Variants in RAB8B observed in about 807,000 individuals in gnomAD.
RAB8B encodes the protein RAB8B, member RAS oncogene family.
A neutral mutation model predicts 32.0 loss-of-function variants in RAB8B; 11 were observed. The ratio of observed to expected loss-of-function variants is 0.34; its 90% confidence interval spans 0.22 to 0.57. The LOEUF is 0.57. RAB8B is among the 20% of genes least tolerant of loss of function. The pLI, the probability that RAB8B is intolerant of heterozygous loss-of-function variation, is 0.86. For synonymous variants in RAB8B, 103 were observed against 89.6 expected (o/e 1.15, Z -0.85); for missense variants, 190 against 258.5 (o/e 0.73, Z 1.82).
chr15:63,203,101 T>A (rs2037667053), intron 1 of RAB8B, among the ~76,000 whole-genome samples: 1 of 152,244 alleles, frequency 6.6e-6, no homozygotes, highest in African/African-American at 2.4e-5. Context: ...AGTGTGGGAC[T>A]ATGGAAGACA....
chr15:63,208,753 C>T (rs2037720920), intron 1 of RAB8B, among the ~76,000 whole-genome samples: 1 of 152,080 alleles, frequency 6.6e-6, no homozygotes. Flanking sequence ...TCTTCACCCC[C>T]AACCCAACCA....
chr15:63,219,025 T>TTA (rs1477993499), intron 1 of RAB8B, among the ~76,000 whole-genome samples: 201 of 113,120 alleles, frequency 1.8e-3, no homozygotes, highest in African/African-American at 5.2e-3. Flanking sequence ...TTTTTTTTTT[T>TTA]TTTTTTTTAG....
intron 3 of RAB8B, chr15:63,251,437 C>G (rs1227188099): frequency 2.6e-6 from 1 of 389,444 alleles, no homozygotes; most frequent in Non-Finnish European, 5.1e-6. Context: ...TTTGCATGCT[C>G]ATTTTCACTG....
rs765527116 is a variant in RAB8B, at chr15:63,256,563, A to G, written c.383A>G (p.Lys128Arg). 8.1e-6 allele frequency: 13 copies of G among 1,604,814 alleles called. No individual in the cohort carries two copies. Among genetic ancestry groups the G allele is most frequent in the African/African-American group, 1.3e-5 (1 of 74,468 alleles). ...ILGNKCDMND[K>R]RQVSKERGEK... is the part of the protein sequence containing the mutation. ...GGTAACAAATGTGATATGAATGACA[A>G]AAGACAAGTGTCAAAAGAAAGAGGG... The change falls in exon 5 of 8, where the codon AAA (lysine) becomes AGA (arginine). Residue 128 changes from lysine (K) to arginine (R), a missense_variant. Physicochemically the swap from Lys to Arg is conservative, Grantham distance 26. Coordinates refer to ENST00000321437, the MANE Select transcript of RAB8B (RefSeq NM_016530.3).
chr15:63,235,361 T>C (rs2037969493), intron 1 of RAB8B, among the ~76,000 whole-genome samples: 1 of 152,158 alleles, frequency 6.6e-6, no homozygotes, highest in Non-Finnish European at 1.5e-5. Flanking sequence ...TCTCTAAAAT[T>C]TGGTTTGGTT....
At chr15:63,241,953 C>T (rs192629365) in intron 1 of RAB8B, among the ~76,000 whole-genome samples, 183 of 152,026 alleles carry the variant, frequency 1.2e-3, no homozygotes, top group African/African-American at 4.0e-3. Context: ...GTCACCTTTA[C>T]AGACCCTGAA....
chr15:63,251,820 G>A (rs1716256065), intron 3 of RAB8B, among the ~76,000 whole-genome samples: 1 of 152,180 alleles, frequency 6.6e-6, no homozygotes, highest in South Asian at 2.1e-4. Context: ...TGCTGTGCCT[G>A]ACTCTTGGAT....
chr15:63,223,759 T>G, intron 1 of RAB8B: 1 of 267,720 alleles, frequency 3.7e-6, no homozygotes, highest in Non-Finnish European at 7.8e-6. Flanking sequence ...ATGACTGTAT[T>G]TGATTTCTTT....
chr15:63,244,759 T>A lies in RAB8B; in HGVS notation c.128T>A (p.Ile43Asn), dbSNP rs2038058416. Residue 43 changes from isoleucine (I) to asparagine (N), a missense_variant, in exon 2 of 8, where the codon ATT becomes AAT. By Grantham distance (149) the Ile-to-Asn change is moderately radical. Coordinates refer to ENST00000321437, the MANE Select transcript of RAB8B (RefSeq NM_016530.3). ...TCTTTCTTTGTTTTTCTGGCAGGAA[T>A]TGATTTTAAAATTAGAACGATAGAA... ...FNTTFISTIG[I>N]DFKIRTIELD... 6.4e-7 allele frequency: 1 copy of A among 1,570,222 alleles called. No homozygotes were observed. Among genetic ancestry groups the A allele is most frequent in the Non-Finnish European group, 8.8e-7 (1 of 1,142,584 alleles).
At position 63,257,067 on chromosome 15, in the gene RAB8B, C is replaced by G. The variant is rs1329709877; in HGVS notation, c.414+473C>G. Reference sequence around the variant, plus strand: ...GATAAATTCCTTGTAACTGATCAAGCTATGGATGTCATTTATATGTTGTTT... The same window carrying G: ...GATAAATTCCTTGTAACTGATCAAGGTATGGATGTCATTTATATGTTGTTT... On this transcript the variant is annotated intron_variant, in intron 5 of 7. Coordinates refer to ENST00000321437, the MANE Select transcript of RAB8B (RefSeq NM_016530.3). 3.3e-5 allele frequency among the ~76,000 whole-genome samples: 5 copies of G among 152,204 alleles called. No individual in the cohort carries two copies. The East Asian group carries it at 7.7e-4, about 23-fold the overall frequency.
chr15:63,200,318 A>G (rs1254447390), intron 1 of RAB8B, among the ~76,000 whole-genome samples: 1 of 152,240 alleles, frequency 6.6e-6, no homozygotes, highest in African/African-American at 2.4e-5. Flanking sequence ...AATTGGCTAA[A>G]ATCTTTGTTG....
At chr15:63,249,297 A>C (rs1460665222) in intron 2 of RAB8B, among the ~76,000 whole-genome samples, 1 of 152,250 alleles carries the variant, frequency 6.6e-6, no homozygotes, top group African/African-American at 2.4e-5. Flanking sequence ...GATTATAACT[A>C]TCTCGGGGAG....
chr15:63,229,919 T>G (rs138379335), intron 1 of RAB8B, among the ~76,000 whole-genome samples: 298 of 152,102 alleles, frequency 2.0e-3, no homozygotes, highest in African/African-American at 6.8e-3. Context: ...TGAGTGTAAT[T>G]GGCCATGAAG....
intron 1 of RAB8B, among the ~76,000 whole-genome samples, chr15:63,197,623 C>A (rs1401266653): frequency 6.6e-6 from 1 of 152,084 alleles, no homozygotes; most frequent in Admixed American, 6.6e-5. Flanking sequence ...ATCTGTCTGC[C>A]TCGGCCTCCC....
intron 1 of RAB8B, among the ~76,000 whole-genome samples, chr15:63,198,715 A>G (rs1278980453): frequency 6.6e-6 from 1 of 152,200 alleles, no homozygotes; most frequent in Non-Finnish European, 1.5e-5. Flanking sequence ...TGTTATCCTG[A>G]TGTATAAAGT....
At chr15:63,213,659 T>C (rs970165333) in intron 1 of RAB8B, among the ~76,000 whole-genome samples, 3 of 152,194 alleles carry the variant, frequency 2.0e-5, no homozygotes, top group African/African-American at 7.2e-5. Flanking sequence ...AATTCCTACA[T>C]GAGTTCTTTC....
At chr15:63,209,115 TC>T (rs771439453) in intron 1 of RAB8B, among the ~76,000 whole-genome samples, 10 of 151,914 alleles carry the variant, frequency 6.6e-5, no homozygotes, top group Non-Finnish European at 1.3e-4. Context: ...GGTTTTGAAC[TC>T]CTGAGCTCAC....
Position 63,255,595 on chromosome 15 carries a change from A to G in RAB8B, c.324+11A>G. The G allele has an allele frequency of 6.3e-7, 1 of 1,575,308 alleles. No individual in the cohort carries two copies. The highest frequency in any genetic ancestry group is 8.7e-7 in the Non-Finnish European group (1 of 1,144,726). Reference sequence around the variant, plus strand: ...AGAAACATTGAAGAGGTATGTGTGGAAAGAGAATGGTGACATTGGAGAAGA... The same window carrying G: ...AGAAACATTGAAGAGGTATGTGTGGGAAGAGAATGGTGACATTGGAGAAGA... On this transcript the variant is annotated intron_variant, in intron 4 of 7. Coordinates refer to ENST00000321437, the MANE Select transcript of RAB8B (RefSeq NM_016530.3).
intron 1 of RAB8B, among the ~76,000 whole-genome samples, chr15:63,207,362 C>T (rs1462797949): frequency 6.6e-6 from 1 of 152,158 alleles, no homozygotes; most frequent in Non-Finnish European, 1.5e-5. Context: ...TGTGACTACC[C>T]AACTTTCTGT....
Sources: gnomAD v4.1 joint callset for allele counts (sites outside exome capture counted in the v4.1 genomes callset) on GRCh38, gnomAD v4.1.1 for gene constraint, MANE v1.5 for transcripts, NCBI Gene and HGNC (gene_info 2026-07-23, HGNC 2026-07-21) for gene names.